PRKAG2: variants seen among roughly 807,000 people sequenced by gnomAD.
PRKAG2 encodes 5'-AMP-activated protein kinase subunit gamma-2.
A neutral mutation model predicts 69.6 loss-of-function variants in PRKAG2; 26 were observed. The observed-to-expected ratio is 0.37, with a 90% CI of 0.27 to 0.52. The LOEUF is 0.52. PRKAG2 is among the 20% of genes least tolerant of loss of function. The pLI, the probability that PRKAG2 is intolerant of heterozygous loss-of-function variation, is 0.90. For synonymous variants in PRKAG2, 293 were observed against 285.0 expected (o/e 1.03, Z -0.28); for missense variants, 557 against 740.0 (o/e 0.75, Z 2.87).
intron 3 of PRKAG2, among the ~76,000 whole-genome samples, chr7:151,691,218 C>CT (rs1387064287): frequency 1.2e-4 from 18 of 152,192 alleles, no homozygotes; most frequent in Admixed American, 3.9e-4. Context: ...CTCTGGATCA[C>CT]TTATAATACC....
At chr7:151,859,654 A>C (rs912294794) in intron 1 of PRKAG2, among the ~76,000 whole-genome samples, 5 of 152,312 alleles carry the variant, frequency 3.3e-5, no homozygotes, top group African/African-American at 1.2e-4. Context: ...CACAGCCCAC[A>C]GTGCCAGAGC....
chr7:151,841,881 A>ATG (rs2079301821), intron 1 of PRKAG2, among the ~76,000 whole-genome samples: 1 of 121,756 alleles, frequency 8.2e-6, no homozygotes, highest in African/African-American at 3.2e-5. Context: ...TGGTAGTGAT[A>ATG]GTAGTGATGG....
At chr7:151,593,297 C>T (rs1391372263) in intron 6 of PRKAG2, among the ~76,000 whole-genome samples, 1 of 152,214 alleles carries the variant, frequency 6.6e-6, no homozygotes, top group African/African-American at 2.4e-5. Flanking sequence ...AAGCGACCCT[C>T]CCGCCTCAGC....
intron 3 of PRKAG2, among the ~76,000 whole-genome samples, chr7:151,717,676 G>A (rs1223202976): frequency 6.6e-6 from 1 of 152,202 alleles, no homozygotes; most frequent in East Asian, 1.9e-4. Context: ...GAGTAGCCAT[G>A]CCCACCCACG....
intron 1 of PRKAG2, among the ~76,000 whole-genome samples, chr7:151,795,456 A>C (rs1487105984): frequency 6.6e-6 from 1 of 152,108 alleles, no homozygotes; most frequent in Non-Finnish European, 1.5e-5. Flanking sequence ...GGGGCAGGGG[A>C]GGGGATGTTA....
chr7:151,825,722 T>C (rs1881626), intron 1 of PRKAG2, among the ~76,000 whole-genome samples: 146,406 of 152,326 alleles, frequency 0.96, 70,622 homozygotes, highest in East Asian at 1. Context: ...TCACGTCCCA[T>C]CCCCTGAGCT....
At chr7:151,832,108 T>G (rs1436303688) in intron 1 of PRKAG2, among the ~76,000 whole-genome samples, 1 of 151,998 alleles carries the variant, frequency 6.6e-6, no homozygotes, top group African/African-American at 2.4e-5. Context: ...CCCAGACTCT[T>G]CTGAGGCCTG....
chr7:151,686,458 G>A (rs576118699), intron 3 of PRKAG2, among the ~76,000 whole-genome samples: 5 of 152,224 alleles, frequency 3.3e-5, no homozygotes, highest in Admixed American at 3.3e-4. Context: ...TGATAGGAAT[G>A]ACTCTCCCTG....
intron 1 of PRKAG2, among the ~76,000 whole-genome samples, chr7:151,846,119 A>G (rs570223785): frequency 3.3e-5 from 5 of 152,148 alleles, no homozygotes; most frequent in Non-Finnish European, 5.9e-5. Flanking sequence ...TTATTTTTAC[A>G]ATTTATGGTG....
intron 6 of PRKAG2, among the ~76,000 whole-genome samples, chr7:151,594,677 C>A (rs1206352460): frequency 6.6e-6 from 1 of 152,172 alleles, no homozygotes; most frequent in Non-Finnish European, 1.5e-5. Context: ...CGAGGCCATA[C>A]AGTTTAATAA....
In PRKAG2 at chr7:151,876,750, C is replaced by G. The variant is rs1265150900; in HGVS notation, c.-130G>C. ...CCTGAAGCCACCTCGTGGGGACTTCCGCGGAGAGGGAGGGTGAGCAGGGAA... is the reference window on the plus strand; with the variant it reads ...CCTGAAGCCACCTCGTGGGGACTTCGGCGGAGAGGGAGGGTGAGCAGGGAA... On this transcript the variant is annotated 5_prime_UTR_variant, in exon 1 of 16. Transcript: ENST00000287878. The G allele has an allele frequency of 2.6e-5, 23 of 884,798 alleles. No homozygotes were observed. Among genetic ancestry groups the G allele is most frequent in the Non-Finnish European group, 4.0e-5 (22 of 553,460 alleles). The allele number at this position is 884,798 out of a possible 1,614,324, so 54.8% of individuals were successfully genotyped here. A position where few individuals can be genotyped will look rare whatever the true frequency, so the allele number is the denominator to read the frequency against.
intron 5 of PRKAG2, among the ~76,000 whole-genome samples, chr7:151,609,830 AAAG>A (rs1818349187): frequency 2.6e-5 from 4 of 152,188 alleles, no homozygotes; most frequent in South Asian, 4.1e-4. Context: ...CGTGAGAAGA[AAAG>A]AAGACCTTCT....
Position 151,588,365 on chromosome 7 carries a change from A to ATT in PRKAG2, c.864+6978_864+6979dup, listed in dbSNP as rs562565665. On this transcript the variant is annotated intron_variant, in intron 6 of 15. Transcript: ENST00000287878. ...TAGTGAATAAGTCTCACAAGATCTG[A>ATT]TTTTTTTTTTTTTTAAGACAGATTC... Among the ~76,000 whole-genome samples, 56 of 145,072 alleles carry ATT rather than the reference A, an allele frequency of 3.9e-4. No homozygotes were observed. The East Asian group carries it at 4.4e-3, about 11-fold the overall frequency.
At chr7:151,566,038 C>G (rs960679476) in intron 11 of PRKAG2, among the ~76,000 whole-genome samples, 153 bp from the exon 12 acceptor site, 4 of 152,192 alleles carry the variant, frequency 2.6e-5, no homozygotes, top group African/African-American at 9.7e-5. Context: ...GAGAAAATTA[C>G]AAAGGACTGT....
intron 3 of PRKAG2, among the ~76,000 whole-genome samples, chr7:151,749,393 A>G (rs1457105707): frequency 6.6e-6 from 1 of 152,158 alleles, no homozygotes; most frequent in Non-Finnish European, 1.5e-5. Context: ...TGCTTCCTCC[A>G]TTTCAGTAAG....
intron 4 of PRKAG2, among the ~76,000 whole-genome samples, chr7:151,667,288 C>T (rs552719722): frequency 6.6e-6 from 1 of 152,336 alleles, no homozygotes; most frequent in Admixed American, 6.5e-5. Flanking sequence ...ACATCCTGCA[C>T]ACCAATCTCT....
intron 13 of PRKAG2, chr7:151,564,428 A>C (rs559511784): frequency 3.6e-6 from 2 of 556,866 alleles, no homozygotes; most frequent in Non-Finnish European, 6.4e-6. Flanking sequence ...AATTAAAGAT[A>C]ACCATGTTAC....
rs2079543988 is a variant in PRKAG2, at chr7:151,850,564, A to AGG, written c.114+25941_114+25942dup. On this transcript the variant is annotated intron_variant, in intron 1 of 15. Coordinates refer to ENST00000287878, the MANE Select transcript of PRKAG2 (RefSeq NM_016203.4). The surrounding 1 kb of genome is among the most constrained non-coding windows in gnomAD (Gnocchi z 4.1). The stretch of plus-strand genomic sequence containing the variant: ...AGCAGCCCAAGCTCACACTCAGCCA[A>AGG]GGAGCCCCGAGCCTGGATTGGAACC... Among the ~76,000 whole-genome samples the AGG allele has an allele frequency of 6.6e-6, 1 of 152,182 alleles. No individual in the cohort carries two copies. The highest frequency in any genetic ancestry group is 1.5e-5 in the Non-Finnish European group (1 of 68,020).
At chr7:151,854,675 C>T (rs2079659674) in intron 1 of PRKAG2, among the ~76,000 whole-genome samples, 1 of 152,226 alleles carries the variant, frequency 6.6e-6, no homozygotes, top group East Asian at 1.9e-4. Context: ...TGGAGCTCAG[C>T]CTTCCTGGCT....
Sources: allele counts gnomAD v4.1 joint callset (sites outside exome capture counted in the v4.1 genomes callset), GRCh38; gene constraint gnomAD v4.1.1; non-coding constraint Gnocchi (gnomAD v3.1); transcripts MANE v1.5; gene names NCBI Gene and HGNC (gene_info 2026-07-23, HGNC 2026-07-21).